PPP1R12A: variants seen among roughly 807,000 people sequenced by gnomAD.
PPP1R12A encodes protein phosphatase 1 regulatory subunit 12A.
Under a neutral mutation model 139.6 loss-of-function variants are expected in PPP1R12A, and 19 were observed. The ratio of observed to expected loss-of-function variants is 0.14; its 90% CI spans 0.09 to 0.20. PPP1R12A has a LOEUF of 0.20. Among genes scored for constraint, PPP1R12A ranks in the 10% least tolerant of loss-of-function variants. PPP1R12A has a pLI of 1.00. For missense variants in PPP1R12A, 925 were observed against 1,211.5 expected (o/e 0.76, Z 3.51); for synonymous variants, 427 against 420.6 (o/e 1.02, Z -0.19).
chr12:79,781,675 C>T (rs1870463950), intron 23 of PPP1R12A, 140 bp downstream of exon 23: 1 of 475,768 alleles, frequency 2.1e-6, no homozygotes, highest in South Asian at 4.8e-5. Flanking sequence ...AAAGAAGTTG[C>T]TGCAAAATAC....
At chr12:79,827,096 A>G (rs1876881585) in intron 5 of PPP1R12A, among the ~76,000 whole-genome samples, 1 of 152,222 alleles carries the variant, frequency 6.6e-6, no homozygotes, top group Non-Finnish European at 1.5e-5. Context: ...CTTGAATAGT[A>G]TCAATATTTA....
chr12:79,824,521 T>C (rs1876524051), intron 5 of PPP1R12A, among the ~76,000 whole-genome samples: 1 of 152,162 alleles, frequency 6.6e-6, no homozygotes, highest in African/African-American at 2.4e-5. Context: ...CCTTGATAAA[T>C]GAATCTACTT....
At chr12:79,822,089 T>A (rs781211068) in intron 6 of PPP1R12A, 27 bp downstream of exon 6, 1 of 1,377,592 alleles carries the variant, frequency 7.3e-7, no homozygotes, top group African/African-American at 1.4e-5. Context: ...GTAAGTAATA[T>A]AGGCAATTAT....
At chr12:79,866,563 A>T (rs1039412103) in intron 2 of PPP1R12A, among the ~76,000 whole-genome samples, 3 of 152,232 alleles carry the variant, frequency 2.0e-5, no homozygotes, top group African/African-American at 7.2e-5. Flanking sequence ...AAATTTTTGC[A>T]ATCTATCCAT....
At chr12:79,905,221 A>C (rs1885992286) in intron 1 of PPP1R12A, among the ~76,000 whole-genome samples, 1 of 152,158 alleles carries the variant, frequency 6.6e-6, no homozygotes, top group Non-Finnish European at 1.5e-5. Context: ...AATAAAATTG[A>C]AAAGCCCATT....
chr12:79,790,167 T>C (rs903497602), intron 20 of PPP1R12A, among the ~76,000 whole-genome samples: 10 of 152,158 alleles, frequency 6.6e-5, no homozygotes, highest in Admixed American at 3.9e-4. Context: ...AATACATTTC[T>C]GGCCAAGTGT....
chr12:79,823,576 T>C (rs1023387173), intron 5 of PPP1R12A, among the ~76,000 whole-genome samples: 1 of 147,822 alleles, frequency 6.8e-6, no homozygotes, highest in Non-Finnish European at 1.5e-5. Flanking sequence ...AAAAAGCCAT[T>C]GTCTATGAAA....
chr12:79,887,054 CACA>C (rs1431295190), intron 1 of PPP1R12A, among the ~76,000 whole-genome samples: 1 of 152,056 alleles, frequency 6.6e-6, no homozygotes, highest in Non-Finnish European at 1.5e-5. Flanking sequence ...GACTGCCTAC[CACA>C]TATAACGTAA....
intron 1 of PPP1R12A, among the ~76,000 whole-genome samples, chr12:79,895,643 AC>A (rs1422786356): frequency 2.6e-5 from 4 of 152,058 alleles, no homozygotes; most frequent in Non-Finnish European, 4.4e-5. Flanking sequence ...ATAAAGGTAT[AC>A]CCCAAGCCTC....
chr12:79,853,778 A>G (rs146703109), intron 2 of PPP1R12A, among the ~76,000 whole-genome samples: 5 of 152,340 alleles, frequency 3.3e-5, no homozygotes, highest in African/African-American at 1.2e-4. Flanking sequence ...TATTACTGCA[A>G]CTTCCAATTC....
At chr12:79,789,621 T>A (rs1469973244) in intron 20 of PPP1R12A, 1 of 452,736 alleles carries the variant, frequency 2.2e-6, no homozygotes, top group Non-Finnish European at 4.4e-6. Context: ...TGCCATTGGC[T>A]CTGCATTTCA....
chr12:79,933,802 T>C (rs1302169423), intron 1 of PPP1R12A, among the ~76,000 whole-genome samples: 1 of 152,240 alleles, frequency 6.6e-6, no homozygotes, highest in Non-Finnish European at 1.5e-5. Flanking sequence ...AACTTTAATA[T>C]GCACAAAGCA....
chr12:79,893,217 TCTC>T (rs1446782718), intron 1 of PPP1R12A, among the ~76,000 whole-genome samples: 2 of 152,138 alleles, frequency 1.3e-5, no homozygotes. Context: ...CCTACAGATT[TCTC>T]CTCAATTTAG....
chr12:79,783,381 T>C (rs1001890557), intron 22 of PPP1R12A, among the ~76,000 whole-genome samples: 8 of 151,856 alleles, frequency 5.3e-5, no homozygotes, highest in African/African-American at 1.9e-4. Flanking sequence ...GGTGGGATGA[T>C]TGCTTGAGCC....
At chr12:79,832,235 T>C (rs969196215) in intron 4 of PPP1R12A, 97 bp downstream of exon 4, 4 of 1,210,960 alleles carry the variant, frequency 3.3e-6, no homozygotes, top group Non-Finnish European at 3.4e-6. Flanking sequence ...CTCTTTTATG[T>C]TGCTTCAAAA....
chr12:79,806,148 A>T lies in PPP1R12A; in HGVS notation c.1823+18T>A. The T allele has an allele frequency of 6.2e-7, 1 of 1,612,592 alleles. No homozygotes were observed. The highest frequency in any genetic ancestry group is 8.5e-7 in the Non-Finnish European group (1 of 1,178,910). On this transcript the variant is annotated intron_variant, in intron 13 of 24. Coordinates refer to ENST00000450142, the MANE Select transcript of PPP1R12A (RefSeq NM_002480.3). ...AAGCACACAGTAGACCTGAGCACAA[A>T]ATGTATCTGTGACTTACCTGCTTTG... is the stretch of plus-strand genomic sequence containing the variant.
At chr12:79,835,303 G>A (rs557442099) in intron 3 of PPP1R12A, among the ~76,000 whole-genome samples, 10 of 152,150 alleles carry the variant, frequency 6.6e-5, no homozygotes, top group South Asian at 4.1e-4. Flanking sequence ...ACTGAAACAC[G>A]CTACTGGCTT....
Position 79,808,482 on chromosome 12 carries a change from CCTGTTTTCT to C in PPP1R12A, c.1542_1550del (p.Glu515_Arg517del). On this transcript the variant is annotated inframe_deletion and splice_region_variant, in exon 11 of 25. Transcript: ENST00000450142. The stretch of plus-strand genomic sequence containing the variant: ...CATAAAGCAAATCAAAATAAACTCA[CCTGTTTTCT>C]TTCTCTTCAATGTCAGATGTACTGG... 1.3e-6 allele frequency: 2 copies of C among 1,579,096 alleles called. No homozygotes were observed. Among genetic ancestry groups the C allele is most frequent in the Non-Finnish European group, 1.7e-6 (2 of 1,151,300 alleles).
chr12:79,795,888 C>A (rs1872451970), intron 17 of PPP1R12A, 129 bp from the exon 18 acceptor site: 2 of 742,982 alleles, frequency 2.7e-6, no homozygotes, highest in African/African-American at 1.8e-5. Flanking sequence ...GCAGCTGCTA[C>A]TACTTAGCTC....
Sources: gnomAD v4.1 joint callset for allele counts (sites outside exome capture counted in the v4.1 genomes callset) on GRCh38, gnomAD v4.1.1 for gene constraint, MANE v1.5 for transcripts, NCBI Gene and HGNC (gene_info 2026-07-23, HGNC 2026-07-21) for gene names.